The following NAV3 variants were observed in gnomAD, a reference collection of about 807,000 sequenced individuals.
The protein encoded by NAV3 is pore membrane and/or filament interacting like protein 1.
In NAV3, 87 loss-of-function variants were observed where a neutral mutation model predicts 244.7. That is an observed-to-expected ratio of 0.36 (90% CI 0.30 to 0.42). The LOEUF (loss-of-function observed/expected upper bound fraction) is 0.42, where lower values mean the gene tolerates loss of function less well. Among genes scored for constraint, NAV3 ranks in the 20% least tolerant of loss-of-function variants. NAV3 has a pLI of 1.00. For missense variants in NAV3, 2,663 were observed against 2,893.3 expected, an observed-to-expected ratio of 0.92 and a Z score of 1.83; for synonymous variants, 1,126 against 1,042.2, an observed-to-expected ratio of 1.08 and a Z score of -1.55.
intron 1 of NAV3, among the ~76,000 whole-genome samples, chr12:77,910,527 T>C (rs556534343): frequency 6.6e-6 from 1 of 152,190 alleles, no homozygotes; most frequent in East Asian, 1.9e-4. Context: ...ATTTAATAGA[T>C]TGCTGAAAAG....
chr12:77,971,579 T>C (rs1892998522), intron 5 of NAV3, among the ~76,000 whole-genome samples: 1 of 152,116 alleles, frequency 6.6e-6, no homozygotes, highest in Non-Finnish European at 1.5e-5. Context: ...ACAATGATAA[T>C]ATACATAGGA....
chr12:77,702,847 TATATGAA>T (rs1875623882), intron 2 of NAV3, among the ~76,000 whole-genome samples: 1 of 25,474 alleles, frequency 3.9e-5, no homozygotes, highest in Non-Finnish European at 1.9e-4. Context: ...TATTTGCCTC[TATATGAA>T]ATATTTTCAT....
chr12:77,587,442 A>G (rs2136701552), intron 2 of NAV3, among the ~76,000 whole-genome samples: 1 of 152,276 alleles, frequency 6.6e-6, no homozygotes, highest in African/African-American at 2.4e-5. Context: ...ACATATACTT[A>G]TTGTTTTCTT....
At chr12:77,929,210 A>T (rs1490441257) in intron 1 of NAV3, among the ~76,000 whole-genome samples, 6 of 152,242 alleles carry the variant, frequency 3.9e-5, no homozygotes, top group Non-Finnish European at 8.8e-5. Context: ...ATATTAATTA[A>T]GGACTTGTAT....
chr12:77,862,478 C>T (rs1390160771), intron 1 of NAV3, among the ~76,000 whole-genome samples: 3 of 151,726 alleles, frequency 2.0e-5, no homozygotes, highest in Admixed American at 1.3e-4. Flanking sequence ...GCTGAATCCA[C>T]TGCGGCCAGG....
At chr12:77,651,615 C>G (rs1047946633) in intron 2 of NAV3, among the ~76,000 whole-genome samples, 3 of 152,130 alleles carry the variant, frequency 2.0e-5, no homozygotes, top group Non-Finnish European at 4.4e-5. Flanking sequence ...CATCAGAAAG[C>G]CAATGATCTT....
At chr12:77,764,085 A>G (rs1408886172) in intron 2 of NAV3, among the ~76,000 whole-genome samples, 1 of 152,098 alleles carries the variant, frequency 6.6e-6, no homozygotes, top group Non-Finnish European at 1.5e-5. Flanking sequence ...TTTTCTTTCC[A>G]CTAAATTTGT....
chr12:78,134,217 A>C (rs1956281032), intron 18 of NAV3, among the ~76,000 whole-genome samples: 1 of 152,100 alleles, frequency 6.6e-6, no homozygotes, highest in South Asian at 2.1e-4. Context: ...TTCAACCTTC[A>C]ATCTTCTCAG....
At chr12:77,948,508 T>C (rs185200176) in intron 3 of NAV3, among the ~76,000 whole-genome samples, 6 of 152,098 alleles carry the variant, frequency 3.9e-5, no homozygotes, top group African/African-American at 1.4e-4. Flanking sequence ...TGATTTTTTT[T>C]GTACTTAAAA....
chr12:77,918,042 T>C (rs1447623042), intron 1 of NAV3, among the ~76,000 whole-genome samples: 1 of 152,000 alleles, frequency 6.6e-6, no homozygotes, highest in Non-Finnish European at 1.5e-5. Flanking sequence ...GTCAACAAAT[T>C]TAAAAAAGTC....
intron 2 of NAV3, among the ~76,000 whole-genome samples, chr12:77,637,731 T>C (rs780321036): frequency 6.6e-6 from 1 of 152,196 alleles, no homozygotes; most frequent in African/African-American, 2.4e-5. Flanking sequence ...AAATATCTTC[T>C]AAATGCCTAA....
intron 5 of NAV3, among the ~76,000 whole-genome samples, chr12:77,972,504 C>T (rs538085952): frequency 8.6e-5 from 13 of 151,410 alleles, no homozygotes; most frequent in African/African-American, 1.9e-4. Context: ...TGCTATATTC[C>T]GAAATATTAA....
intron 2 of NAV3, among the ~76,000 whole-genome samples, chr12:77,663,166 TAGG>T (rs2137045725): frequency 6.6e-6 from 1 of 152,348 alleles, no homozygotes; most frequent in African/African-American, 2.4e-5. Flanking sequence ...CACACTTAAC[TAGG>T]AGAATATTTT....
chr12:78,066,610 A>G (rs1351142634), intron 12 of NAV3, among the ~76,000 whole-genome samples: 2 of 152,270 alleles, frequency 1.3e-5, no homozygotes, highest in African/African-American at 4.8e-5. Context: ...TATCTAAACT[A>G]TATTCCTAAA....
At chr12:78,185,757 G>A (rs1958687108) in intron 31 of NAV3, 59 bp downstream of exon 31, 1 of 1,403,670 alleles carries the variant, frequency 7.1e-7, no homozygotes, top group Non-Finnish European at 1.0e-6. Context: ...TGAGTCAAGT[G>A]TATTTTATGT....
At chr12:77,747,533 G>A (rs1868613114) in intron 2 of NAV3, among the ~76,000 whole-genome samples, 1 of 152,142 alleles carries the variant, frequency 6.6e-6, no homozygotes, top group South Asian at 2.1e-4. Context: ...CCATTACTGG[G>A]TATACACCCA....
chr12:77,958,622 C>T (rs1565958521), intron 3 of NAV3, among the ~76,000 whole-genome samples: 1 of 152,144 alleles, frequency 6.6e-6, no homozygotes, highest in African/African-American at 2.4e-5. Flanking sequence ...AACCTCAAGG[C>T]TCAATGTATC....
At chr12:77,789,816 GAAAAAAA>G (rs57070028) in intron 2 of NAV3, among the ~76,000 whole-genome samples, 47 of 75,672 alleles carry the variant, frequency 6.2e-4, no homozygotes, top group African/African-American at 2.1e-3. Flanking sequence ...GTCTCGAAAA[GAAAAAAA>G]AAAAAAAAAA....
At chr12:78,036,859 G>A (rs1431433331) in intron 9 of NAV3, 1 of 679,848 alleles carries the variant, frequency 1.5e-6, no homozygotes, top group African/African-American at 1.8e-5. Flanking sequence ...GCCACTGGAA[G>A]AATCATGCAG....
Sources: gnomAD v4.1 joint callset for allele counts (sites outside exome capture counted in the v4.1 genomes callset) on GRCh38, gnomAD v4.1.1 for gene constraint, MANE v1.5 for transcripts, NCBI Gene and HGNC (gene_info 2026-07-23, HGNC 2026-07-21) for gene names.